Variants in GNAI3 observed in about 807,000 individuals in gnomAD.
GNAI3 encodes guanine nucleotide-binding protein G(i) subunit alpha-3.
In GNAI3, 12 loss-of-function variants were observed where a neutral mutation model predicts 41.8. That is an observed-to-expected ratio of 0.29 (90% confidence interval 0.18 to 0.47). The LOEUF (loss-of-function observed/expected upper bound fraction) is 0.47, where lower values mean the gene tolerates loss of function less well. Ranked by LOEUF, GNAI3 falls within the 20% of genes least tolerant of loss-of-function variation. The pLI is 1.00. For synonymous variants in GNAI3, 132 were observed against 146.5 expected (o/e 0.90, Z 0.71); for missense variants, 360 against 429.6 (o/e 0.84, Z 1.43).
chr1:109,562,430 T>A (rs974168637), intron 1 of GNAI3, among the ~76,000 whole-genome samples: 3 of 152,080 alleles, frequency 2.0e-5, no homozygotes, highest in African/African-American at 7.2e-5. Context: ...CCAAGGTATG[T>A]GTGTGTGTAT....
At chr1:109,556,614 T>TGG (rs1339634833) in intron 1 of GNAI3, among the ~76,000 whole-genome samples, 2 of 152,190 alleles carry the variant, frequency 1.3e-5, no homozygotes, top group Non-Finnish European at 2.9e-5. Flanking sequence ...TCAAGTCAGT[T>TGG]TATCCAGTAT....
intron 1 of GNAI3, among the ~76,000 whole-genome samples, chr1:109,572,268 C>G (rs1463975432): frequency 6.6e-6 from 1 of 152,126 alleles, no homozygotes; most frequent in Non-Finnish European, 1.5e-5. Flanking sequence ...CGAGATTGTA[C>G]CATTGCACTC....
intron 3 of GNAI3, among the ~76,000 whole-genome samples, chr1:109,578,217 T>C (rs1648798823): frequency 6.6e-6 from 1 of 152,112 alleles, no homozygotes; most frequent in South Asian, 2.1e-4. Flanking sequence ...ACGCCTGTAA[T>C]CCCAGCACTT....
At position 109,548,704 on chromosome 1, in the gene GNAI3, C is replaced by G. The variant is rs540407562; in HGVS notation, c.-17C>G. On this transcript the variant is annotated 5_prime_UTR_variant, in exon 1 of 9. Transcript: ENST00000369851. ...TGTGAGTGAGTCCGGGCCCGTGTCC[C>G]CTCTCCCGCCGCCGCCATGGGCTGC... 1 of 1,580,800 alleles carries G rather than the reference C, an allele frequency of 6.3e-7. No individual in the cohort carries two copies. Among genetic ancestry groups the G allele is most frequent in the East Asian group, 2.2e-5 (1 of 44,658 alleles).
At position 109,579,243 on chromosome 1, in the gene GNAI3, G is replaced by A; in HGVS notation, c.343G>A (p.Glu115Lys). The A allele has an allele frequency of 6.2e-7, 1 of 1,613,398 alleles. No homozygotes were observed. The highest frequency in any genetic ancestry group is 2.2e-5 in the East Asian group (1 of 44,874). ...ATTATTTGTTTTAGCTGGCAGTGCT[G>A]AAGAAGGAGTCATGACTCCAGAACT... ...RQLFVLAGSAEEGVMTPELAG... is the reference protein window; with the variant it reads ...RQLFVLAGSAKEGVMTPELAG... Residue 115 changes from glutamate (E) to lysine (K), a missense_variant, in exon 4 of 9, where the codon GAA (glutamate) becomes AAA (lysine). Coordinates refer to ENST00000369851, the MANE Select transcript of GNAI3 (RefSeq NM_006496.4).
At chr1:109,564,134 A>G (rs1429339406) in intron 1 of GNAI3, among the ~76,000 whole-genome samples, 4 of 151,994 alleles carry the variant, frequency 2.6e-5, no homozygotes, top group Admixed American at 2.0e-4. Flanking sequence ...GAATATAGAA[A>G]GGTGTTTGTG....
intron 4 of GNAI3, among the ~76,000 whole-genome samples, chr1:109,580,797 G>A (rs1279648484): frequency 6.6e-6 from 1 of 152,192 alleles, no homozygotes; most frequent in Non-Finnish European, 1.5e-5. Context: ...AATCTTACAG[G>A]ATCACTAGCA....
chr1:109,586,641 C>T, intron 6 of GNAI3, 88 bp from the exon 7 acceptor site: 2 of 925,458 alleles, frequency 2.2e-6, no homozygotes, highest in Admixed American at 2.5e-5. Context: ...CCATTTAGTG[C>T]TGCAAAACTT....
chr1:109,561,683 A>G lies in GNAI3; in HGVS notation c.119-12054A>G, dbSNP rs1648315355. On this transcript the variant is annotated intron_variant, in intron 1 of 8. Coordinates refer to ENST00000369851, the MANE Select transcript of GNAI3 (RefSeq NM_006496.4). ...GAAGATATGCAAGTAAACTATGGTA[A>G]TAAAATGTGATTACAGAAGGAATAG... Among the ~76,000 whole-genome samples the G allele has an allele frequency of 2.0e-5, 3 of 152,360 alleles. No individual in the cohort carries two copies. The South Asian group carries it at 6.2e-4, about 32-fold the overall frequency.
chr1:109,564,302 CT>C (rs1648393468), intron 1 of GNAI3, among the ~76,000 whole-genome samples: 1 of 151,792 alleles, frequency 6.6e-6, no homozygotes, highest in East Asian at 1.9e-4. Context: ...CTTACCTTTG[CT>C]TGTTCCCGTC....
intron 1 of GNAI3, among the ~76,000 whole-genome samples, chr1:109,565,778 T>C (rs999754539): frequency 2.0e-5 from 3 of 152,100 alleles, no homozygotes; most frequent in African/African-American, 7.2e-5. Flanking sequence ...ACCCGAATAA[T>C]TACAATAATT....
chr1:109,560,741 G>GTC (rs1192111315), intron 1 of GNAI3, among the ~76,000 whole-genome samples: 1 of 152,134 alleles, frequency 6.6e-6, no homozygotes, highest in Non-Finnish European at 1.5e-5. Flanking sequence ...TAGACATGAG[G>GTC]TCTCTCTACA....
At chr1:109,569,269 A>G (rs1036136834) in intron 1 of GNAI3, among the ~76,000 whole-genome samples, 10 of 152,176 alleles carry the variant, frequency 6.6e-5, no homozygotes, top group Admixed American at 2.6e-4. Flanking sequence ...TCCCTTCTGC[A>G]TACAGAGTCC....
At chr1:109,586,944 G>C in intron 7 of GNAI3, 62 bp downstream of exon 7, 1 of 1,170,548 alleles carries the variant, frequency 8.5e-7, no homozygotes. Flanking sequence ...CACTTTGGTG[G>C]CATTCATAAA....
In GNAI3 at chr1:109,595,454, G is replaced by GT. The variant is rs1261320965; in HGVS notation, c.*3133dup. 1.3e-5 allele frequency: 2 copies of GT among 151,980 alleles called. No individual in the cohort carries two copies. Among genetic ancestry groups the GT allele is most frequent in the African/African-American group, 4.8e-5 (2 of 41,394 alleles). The allele number at this position is 151,980 out of a possible 1,614,324, so 9.4% of individuals were successfully genotyped here. A position where few individuals can be genotyped will look rare whatever the true frequency, so the allele number is the denominator to read the frequency against. ...TCACAAGGTACTACATTCTTACAAT[G>GT]TAAGACTAGATGGACCAAAATTTTA... On this transcript the variant is annotated 3_prime_UTR_variant, in exon 9 of 9. Transcript: ENST00000369851.
At chr1:109,580,046 G>C (rs1648849855) in intron 4 of GNAI3, among the ~76,000 whole-genome samples, 1 of 152,138 alleles carries the variant, frequency 6.6e-6, no homozygotes, top group South Asian at 2.1e-4. Context: ...CTGTCGCCCA[G>C]ACTGGAGTGC....
intron 7 of GNAI3, among the ~76,000 whole-genome samples, chr1:109,590,913 G>A (rs1222880862): frequency 1.3e-5 from 2 of 151,944 alleles, no homozygotes; most frequent in South Asian, 4.1e-4. Context: ...TTATATCTTT[G>A]TTATTGATAT....
chr1:109,575,635 G>A (rs1388545544), intron 3 of GNAI3, among the ~76,000 whole-genome samples: 3 of 140,328 alleles, frequency 2.1e-5, no homozygotes, highest in Admixed American at 7.7e-5. Context: ...AGGTTCAAGC[G>A]ATTCTCCTGT....
chr1:109,592,143 T>C lies in GNAI3; in HGVS notation c.975T>C (p.Cys325=). The change falls in exon 8 of 9, where the codon TGT becomes TGC. Residue 325 remains cysteine (C), a synonymous_variant. Coordinates refer to ENST00000369851, the MANE Select transcript of GNAI3 (RefSeq NM_006496.4). The part of the protein sequence containing the change: ...DTKEIYTHFT[C]ATDTKNVQFV... ...AGGAGATCTATACTCACTTCACCTG[T>C]GCCACAGACACGAAGAATGTGCAGT... The C allele has an allele frequency of 6.2e-7, 1 of 1,612,512 alleles. No individual in the cohort carries two copies.
Sources: allele counts gnomAD v4.1 joint callset (sites outside exome capture counted in the v4.1 genomes callset), GRCh38; gene constraint gnomAD v4.1.1; transcripts MANE v1.5; gene names NCBI Gene and HGNC (gene_info 2026-07-23, HGNC 2026-07-21).